ALKBH3: variants seen among roughly 807,000 people sequenced by gnomAD.
ALKBH3 encodes the protein alkB homolog 3, alpha-ketoglutarate dependent dioxygenase.
A neutral mutation model predicts 43.9 loss-of-function variants in ALKBH3; 51 were observed. The ratio of observed to expected loss-of-function variants is 1.16; its 90% CI spans 0.93 to 1.47. The LOEUF is 1.47. ALKBH3 is among the 40% of genes most tolerant of loss of function. The probability of loss-of-function intolerance (pLI) is 0.00; values close to 1 mark genes in which losing one functional copy is unlikely to be tolerated. For synonymous variants in ALKBH3, 102 were observed against 115.2 expected (o/e 0.89, Z 0.73); for missense variants, 361 against 351.9 (o/e 1.03, Z -0.21).
At chr11:43,909,570 A>G (rs564192638) in intron 8 of ALKBH3, 1 of 152,388 alleles carries the variant, frequency 6.6e-6, no homozygotes, top group Non-Finnish European at 1.5e-5. Context: ...CATTACTGGC[A>G]TAGCCATAAG....
At chr11:43,886,747 T>G in intron 5 of ALKBH3, 94 bp downstream of exon 5, 1 of 1,210,726 alleles carries the variant, frequency 8.3e-7, no homozygotes, top group South Asian at 1.3e-5. Context: ...ATGTAGTACA[T>G]ATACATTATG....
chr11:43,911,802 G>C (rs1951940943), intron 8 of ALKBH3, among the ~76,000 whole-genome samples: 1 of 152,160 alleles, frequency 6.6e-6, no homozygotes, highest in African/African-American at 2.4e-5. Flanking sequence ...CTGTGGAATT[G>C]TACATTATCA....
intron 6 of ALKBH3, 48 bp downstream of exon 6, chr11:43,889,876 C>G (rs532665667): frequency 6.8e-7 from 1 of 1,479,238 alleles, no homozygotes; most frequent in South Asian, 1.1e-5. Flanking sequence ...TTCTCCCTCT[C>G]TGGAATGTTT....
At chr11:43,918,965 T>C in intron 8 of ALKBH3, 73 bp from the exon 9 acceptor site, 1 of 1,201,756 alleles carries the variant, frequency 8.3e-7, no homozygotes, top group Non-Finnish European at 1.2e-6. Flanking sequence ...CATTTTTTTT[T>C]GACCTCTGTC....
At chr11:43,919,752 T>C (rs983732254) in intron 9 of ALKBH3, 166 bp from the exon 10 acceptor site, 1 of 618,024 alleles carries the variant, frequency 1.6e-6, no homozygotes, top group Non-Finnish European at 2.8e-6. Flanking sequence ...TGGAAATTTG[T>C]TTCAAAGAAG....
chr11:43,916,552 G>A (rs1000266609), intron 8 of ALKBH3: 1 of 152,146 alleles, frequency 6.6e-6, no homozygotes, highest in African/African-American at 2.4e-5. Context: ...GTTTTGGGGG[G>A]TGTGTTTTGT....
chr11:43,900,257 T>C lies in ALKBH3; in HGVS notation c.460-1259T>C, dbSNP rs1380466556. On this transcript the variant is annotated intron_variant, in intron 7 of 9. Coordinates refer to ENST00000302708, the MANE Select transcript of ALKBH3 (RefSeq NM_139178.4). ...TTTTTTTTTTGCGACAGAGTCTCGC[T>C]CTGTTACCCAGGCTGGAGTGCAGTG... Among the ~76,000 whole-genome samples the C allele has an allele frequency of 2.3e-5, 3 of 129,364 alleles. No individual in the cohort carries two copies. The Admixed American group carries it at 2.7e-4, about 12-fold the overall frequency. 84.9% of individuals were successfully genotyped at this position (129,364 alleles called of 152,430 possible).
chr11:43,903,235 A>T (rs549949147), intron 8 of ALKBH3, among the ~76,000 whole-genome samples: 1 of 152,324 alleles, frequency 6.6e-6, no homozygotes, highest in Admixed American at 6.5e-5. Flanking sequence ...GCCTTCTCAT[A>T]TACCAAGGAG....
At chr11:43,887,839 A>C (rs994522117) in intron 5 of ALKBH3, among the ~76,000 whole-genome samples, 1 of 151,328 alleles carries the variant, frequency 6.6e-6, no homozygotes, top group African/African-American at 2.4e-5. Flanking sequence ...CTCAAGCTGG[A>C]GTGCAGTGGC....
chr11:43,890,818 C>T (rs1435590077), intron 6 of ALKBH3, among the ~76,000 whole-genome samples: 2 of 152,004 alleles, frequency 1.3e-5, no homozygotes, highest in Non-Finnish European at 2.9e-5. Flanking sequence ...GAGCCGAGAT[C>T]GCGCCACTGC....
chr11:43,883,064 C>T (rs773438121), intron 2 of ALKBH3, 21 bp from the exon 3 acceptor site: 2 of 1,602,212 alleles, frequency 1.2e-6, no homozygotes, highest in Non-Finnish European at 1.7e-6. Flanking sequence ...TGGTTTGAGG[C>T]TGTCCCCTCT....
intron 2 of ALKBH3, 28 bp downstream of exon 2, chr11:43,882,759 GT>G (rs1207066509): frequency 6.3e-7 from 1 of 1,593,692 alleles, no homozygotes; most frequent in Admixed American, 1.8e-5. Flanking sequence ...TTTTGTGTGT[GT>G]GTGGATATGG....
At chr11:43,912,962 A>G (rs576333255) in intron 8 of ALKBH3, among the ~76,000 whole-genome samples, 1 of 152,114 alleles carries the variant, frequency 6.6e-6, no homozygotes, top group East Asian at 1.9e-4. Context: ...GGAACAGGCT[A>G]TGTTTTCTAA....
At chr11:43,899,205 A>G in intron 7 of ALKBH3, 1 of 771,888 alleles carries the variant, frequency 1.3e-6, no homozygotes, top group Admixed American at 1.7e-5. Context: ...CAGCTCATAG[A>G]CAAAGTCTGG....
chr11:43,889,883 G>A, intron 6 of ALKBH3, 55 bp downstream of exon 6: 1 of 1,417,310 alleles, frequency 7.1e-7, no homozygotes, highest in East Asian at 2.3e-5. Context: ...TCTCTGGAAT[G>A]TTTCCTAGTA....
chr11:43,899,999 T>G (rs1377832524), intron 7 of ALKBH3, among the ~76,000 whole-genome samples: 1 of 151,936 alleles, frequency 6.6e-6, no homozygotes, highest in Non-Finnish European at 1.5e-5. Flanking sequence ...CTTCATATAC[T>G]TCAATAAAAA....
At chr11:43,897,314 A>G in intron 7 of ALKBH3, 1 of 618,282 alleles carries the variant, frequency 1.6e-6, no homozygotes, top group South Asian at 1.4e-5. Context: ...AGCCATTCTG[A>G]CAAGAACTAG....
rs1264380554 is a variant in ALKBH3 at position 43,918,859 on chromosome 11, G to A, written c.670-179G>A. 5.2e-6 allele frequency: 3 copies of A among 580,034 alleles called. No homozygotes were observed. The East Asian group carries it at 8.6e-5, about 17-fold the overall frequency. 35.9% of individuals were successfully genotyped at this position (580,034 alleles called of 1,614,324 possible). On this transcript the variant is annotated intron_variant, in intron 8 of 9. Coordinates refer to ENST00000302708, the MANE Select transcript of ALKBH3 (RefSeq NM_139178.4). Reference sequence around the variant, plus strand: ...CCCCATTTTACAAATGAGTAAGTCAGGGTACAGAGAGATGAGGTAACTTGC... The same window carrying A: ...CCCCATTTTACAAATGAGTAAGTCAAGGTACAGAGAGATGAGGTAACTTGC...
At chr11:43,886,748 A>AATGTATATGTAC in intron 5 of ALKBH3, 95 bp downstream of exon 5, 1 of 1,209,008 alleles carries the variant, frequency 8.3e-7, no homozygotes, top group Non-Finnish European at 1.2e-6. Context: ...TGTAGTACAT[A>AATGTATATGTAC]TACATTATGG....
Sources: gnomAD v4.1 joint callset for allele counts (sites outside exome capture counted in the v4.1 genomes callset) on GRCh38, gnomAD v4.1.1 for gene constraint, MANE v1.5 for transcripts, NCBI Gene and HGNC (gene_info 2026-07-23, HGNC 2026-07-21) for gene names.